ERAP1: variants seen among roughly 807,000 people sequenced by gnomAD.
ERAP1 encodes the protein endoplasmic reticulum aminopeptidase 1.
In ERAP1, 86 loss-of-function variants were observed where a neutral mutation model predicts 103.7. The ratio of observed to expected loss-of-function variants is 0.83; its 90% CI spans 0.70 to 0.99. The LOEUF is 0.99. Ranked by LOEUF, ERAP1 falls within the 50% of genes least tolerant of loss-of-function variation. The probability of loss-of-function intolerance (pLI) is 0.00; values close to 1 mark genes in which losing one functional copy is unlikely to be tolerated. For missense variants in ERAP1, 1,009 were observed against 1,128.4 expected (o/e 0.89, Z 1.52); for synonymous variants, 398 against 402.4 (o/e 0.99, Z 0.13).
At chr5:96,914,432 A>T in the ERAP1 span, among the ~76,000 whole-genome samples, 1 of 152,156 alleles carries the variant, frequency 6.6e-6, no homozygotes, top group South Asian at 2.1e-4. Context: ...TGACGTCCAC[A>T]TGAGACCAAA....
At chr5:96,917,703 G>C in the ERAP1 span, 22 of 956,828 alleles carry the variant, frequency 2.3e-5, no homozygotes, top group Non-Finnish European at 3.1e-5. Context: ...TCAGGAGATG[G>C]AGACCATCCT....
chr5:96,864,052 A>G, the ERAP1 span, among the ~76,000 whole-genome samples: 2 of 152,156 alleles, frequency 1.3e-5, no homozygotes, highest in Non-Finnish European at 1.5e-5. Flanking sequence ...TGATGTTTCT[A>G]AAGGTGGGTA....
the ERAP1 span, among the ~76,000 whole-genome samples, chr5:96,825,568 A>G: frequency 6.6e-6 from 1 of 152,232 alleles, no homozygotes; most frequent in Non-Finnish European, 1.5e-5. Context: ...CTTGACCTAT[A>G]GCATGTGCTC....
the ERAP1 span, chr5:96,909,063 G>A: frequency 1.6e-5 from 26 of 1,614,114 alleles, no homozygotes; most frequent in South Asian, 8.8e-5. Flanking sequence ...ACTTGGAATC[G>A]TTTTACCACA....
chr5:96,896,066 A>T, the ERAP1 span, among the ~76,000 whole-genome samples: 1 of 152,178 alleles, frequency 6.6e-6, no homozygotes, highest in Non-Finnish European at 1.5e-5. Context: ...TGATAGGTCT[A>T]GGCACGTAAC....
Position 96,803,908 on chromosome 5 carries a change from T to G in ERAP1, c.19A>C (p.Lys7Gln). The change falls in exon 2 of 19, where the codon AAA becomes CAA. Residue 7 changes from lysine to glutamine, a missense_variant. This residue lies in a region of ERAP1 where 392 missense variants were observed against 455.2 expected (regional missense o/e 0.86). Transcript: ENST00000443439. ...AATGACATGGTTGCAAGGGACCATT[T>G]GAGGGGCAGAAACACCATCTTCTTG... is the stretch of plus-strand genomic sequence containing the variant. MVFLPLKWSLATMSFLL... is the reference protein window; with the variant it reads MVFLPLQWSLATMSFLL... The G allele has an allele frequency of 6.2e-7, 1 of 1,607,764 alleles. No individual in the cohort carries two copies. The highest frequency in any genetic ancestry group is 8.5e-7 in the Non-Finnish European group (1 of 1,180,008).
the ERAP1 span, chr5:96,873,663 G>A: frequency 3.0e-6 from 1 of 332,220 alleles, no homozygotes; most frequent in South Asian, 2.3e-5. Context: ...TGAAGCAAGT[G>A]TTGGGCAATC....
intron 3 of ERAP1, among the ~76,000 whole-genome samples, chr5:96,799,896 T>G (rs1486926636): frequency 6.6e-6 from 1 of 152,176 alleles, no homozygotes; most frequent in Non-Finnish European, 1.5e-5. Flanking sequence ...ATCCGAATCT[T>G]GTTTGAGGAA....
rs1413734285 is a variant in ERAP1, at chr5:96,790,647, A to C, written c.1321-4T>G. 6.2e-7 allele frequency: 1 copy of C among 1,606,770 alleles called. No individual in the cohort carries two copies. Among genetic ancestry groups the C allele is most frequent in the Non-Finnish European group, 8.5e-7 (1 of 1,173,536 alleles). On this transcript the variant is annotated splice_polypyrimidine_tract_variant and splice_region_variant and intron_variant, in intron 8 of 18. Coordinates refer to ENST00000443439, the MANE Select transcript of ERAP1 (RefSeq NM_001040458.3). ...GCATATTCAGAATACAAGCTCCCTG[A>C]AAAGATAATAGAAATAATTGTTATC...
chr5:96,791,717 G>T (rs888104450), intron 8 of ERAP1, among the ~76,000 whole-genome samples: 1 of 152,224 alleles, frequency 6.6e-6, no homozygotes, highest in African/African-American at 2.4e-5. Flanking sequence ...AACCATTGCT[G>T]AAGGCCTTGA....
At chr5:96,889,328 T>C in the ERAP1 span, 8 of 1,613,620 alleles carry the variant, frequency 5.0e-6, no homozygotes, top group Non-Finnish European at 6.8e-6. Context: ...TCCACATTAT[T>C]GTCTTCATTT....
chr5:96,879,723 A>G, the ERAP1 span: 1 of 1,614,178 alleles, frequency 6.2e-7, no homozygotes, highest in Non-Finnish European at 8.5e-7. Flanking sequence ...TCACACAGAA[A>G]ACCAATGTTT....
the ERAP1 span, among the ~76,000 whole-genome samples, chr5:96,852,984 C>T: frequency 3.2e-4 from 49 of 152,200 alleles, no homozygotes; most frequent in African/African-American, 1.1e-3. Context: ...AGACTGTAGA[C>T]GACTTTAAAT....
chr5:96,829,422 TC>T, the ERAP1 span, among the ~76,000 whole-genome samples: 4 of 152,180 alleles, frequency 2.6e-5, no homozygotes, highest in African/African-American at 9.7e-5. Context: ...AACATTATTT[TC>T]CCCATAGCAA....
chr5:96,901,543 T>A, the ERAP1 span: 2 of 1,613,998 alleles, frequency 1.2e-6, no homozygotes, highest in Non-Finnish European at 8.5e-7. Flanking sequence ...GTCAAAGAGA[T>A]GATGACTACA....
At chr5:96,817,819 A>G in the ERAP1 span, among the ~76,000 whole-genome samples, 1 of 152,306 alleles carries the variant, frequency 6.6e-6, no homozygotes, top group East Asian at 1.9e-4. Flanking sequence ...ACCGAACTCA[A>G]TTCCAAATTC....
chr5:96,842,913 A>G, the ERAP1 span, among the ~76,000 whole-genome samples: 2 of 152,128 alleles, frequency 1.3e-5, no homozygotes, highest in African/African-American at 2.4e-5. Context: ...TTATGATTTC[A>G]GGTCTTAGAT....
chr5:96,889,334 C>T, the ERAP1 span: 1 of 1,613,004 alleles, frequency 6.2e-7, no homozygotes, highest in Non-Finnish European at 8.5e-7. Flanking sequence ...TTATTGTCTT[C>T]ATTTTTGCTC....
Position 96,807,932 on chromosome 5 carries a change from C to G in ERAP1, c.-90G>C, listed in dbSNP as rs1778846732. 9.1e-6 allele frequency: 9 copies of G among 985,916 alleles called. 1 individual carries two copies. The South Asian group carries it at 3.8e-4, about 41-fold the overall frequency. The allele number at this position is 985,916 out of a possible 1,614,324, so 61.1% of individuals were successfully genotyped here. A position where few individuals can be genotyped will look rare whatever the true frequency, so the allele number is the denominator to read the frequency against. On this transcript the variant is annotated 5_prime_UTR_variant, in exon 1 of 19. Coordinates refer to ENST00000443439, the MANE Select transcript of ERAP1 (RefSeq NM_001040458.3). ...TGCCGCCGGCCTAGCTCCCCCAGGA[C>G]CGAAAGTGAAAGTGGAGCCCGGGGA...
Sources: allele counts gnomAD v4.1 joint callset (sites outside exome capture counted in the v4.1 genomes callset), GRCh38; gene constraint gnomAD v4.1.1; regional missense constraint gnomAD v4.1.1; transcripts MANE v1.5; gene names NCBI Gene and HGNC (gene_info 2026-07-23, HGNC 2026-07-21).